AKAP8: variants seen among roughly 807,000 people sequenced by gnomAD.
AKAP8 encodes A-kinase anchor protein 8.
Under a neutral mutation model 67.5 loss-of-function variants are expected in AKAP8, and 24 were observed. The observed-to-expected ratio is 0.36, with a 90% CI of 0.26 to 0.50. The LOEUF (loss-of-function observed/expected upper bound fraction) is 0.50. AKAP8 is among the 20% of genes least tolerant of loss of function. AKAP8 has a pLI of 0.97. For synonymous variants in AKAP8, 400 were observed against 371.1 expected (o/e 1.08, Z -0.90); for missense variants, 971 against 955.9 (o/e 1.02, Z -0.21).
intron 9 of AKAP8, among the ~76,000 whole-genome samples, chr19:15,363,267 G>A (rs1377704426): frequency 1.3e-5 from 2 of 150,948 alleles, no homozygotes; most frequent in African/African-American, 2.4e-5. Context: ...CCCCGTCTGG[G>A]AGGTGAGGGG....
chr19:15,371,862 G>A, intron 7 of AKAP8, 90 bp downstream of exon 7: 1 of 1,423,824 alleles, frequency 7.0e-7, no homozygotes, highest in South Asian at 1.2e-5. Flanking sequence ...AATCTACCAT[G>A]GCAGCTGCTC....
chr19:15,369,353 C>G lies in AKAP8; in HGVS notation c.1072+793G>C. On this transcript the variant is annotated intron_variant, in intron 8 of 13. Coordinates refer to ENST00000269701, the MANE Select transcript of AKAP8 (RefSeq NM_005858.4). The surrounding 1 kb of genome is among the most constrained non-coding windows in gnomAD (Gnocchi z 4.6). Reference sequence around the variant, plus strand: ...CCGCAGAGGGCTGGCAAAGCCTGAACAGGAGGAACATCTAAGCCAAGGGCC... The same window carrying G: ...CCGCAGAGGGCTGGCAAAGCCTGAAGAGGAGGAACATCTAAGCCAAGGGCC... 1.4e-6 allele frequency: 1 copy of G among 736,042 alleles called. No individual in the cohort carries two copies. The highest frequency in any genetic ancestry group is 1.9e-5 in the African/African-American group (1 of 52,402). 45.6% of individuals were successfully genotyped at this position (736,042 alleles called of 1,614,324 possible).
chr19:15,368,252 CCG>C lies in AKAP8; in HGVS notation c.1141_1142del (p.Arg381GlyfsTer18), dbSNP rs772931869. 2.9e-5 allele frequency: 46 copies of C among 1,612,724 alleles called. No homozygotes were observed. The highest frequency in any genetic ancestry group is 3.7e-5 in the Non-Finnish European group (44 of 1,179,958). On this transcript the variant is annotated frameshift_variant, in exon 9 of 14. Coordinates refer to ENST00000269701, the MANE Select transcript of AKAP8 (RefSeq NM_005858.4). LOFTEE classifies it high-confidence loss of function. ...REKQRRRDRT[R>X]DRAADRIQFA... ...CGCCTCACCTGTCGGCTGCACGGTC[CCG>C]CGTCCTGTCTCTTCTCCTTTGCTTT...
At chr19:15,379,443 G>C (rs554122929) in intron 1 of AKAP8, 1 of 452,636 alleles carries the variant, frequency 2.2e-6, no homozygotes, top group African/African-American at 2.1e-5. Flanking sequence ...TGTCTAAGAC[G>C]CCCCCACGAA....
chr19:15,368,055 G>C (rs964431292), intron 9 of AKAP8, among the ~76,000 whole-genome samples, 180 bp downstream of exon 9: 6 of 152,240 alleles, frequency 3.9e-5, no homozygotes, highest in Admixed American at 3.9e-4. Context: ...CGTGTGCTGG[G>C]AGCACGAGTG....
At chr19:15,375,059 A>G (rs1348238655) in intron 2 of AKAP8, among the ~76,000 whole-genome samples, 1 of 152,224 alleles carries the variant, frequency 6.6e-6, no homozygotes, top group African/African-American at 2.4e-5. Context: ...AGCGAAAAAG[A>G]GGACGTTATG....
chr19:15,377,252 C>T (rs1211466073), intron 1 of AKAP8, among the ~76,000 whole-genome samples: 1 of 152,132 alleles, frequency 6.6e-6, no homozygotes, highest in Non-Finnish European at 1.5e-5. Flanking sequence ...AAGTCAGCTC[C>T]GCCCTGCAGA....
chr19:15,368,126 A>G (rs1314655741), intron 9 of AKAP8, 109 bp downstream of exon 9: 2 of 1,427,174 alleles, frequency 1.4e-6, no homozygotes, highest in Admixed American at 1.9e-5. Flanking sequence ...TGGCCAGAGG[A>G]GTCAGGCCAC....
chr19:15,355,499 G>A (rs1211054013), intron 13 of AKAP8, 129 bp from the exon 14 acceptor site: 1 of 844,932 alleles, frequency 1.2e-6, no homozygotes, highest in Non-Finnish European at 1.8e-6. Context: ...TGCCACAGGA[G>A]TGAATCCTAC....
intron 10 of AKAP8, 136 bp downstream of exon 10, chr19:15,361,974 G>A (rs1966973981): frequency 7.2e-7 from 1 of 1,394,094 alleles, no homozygotes; most frequent in Non-Finnish European, 9.7e-7. Context: ...CTGTGACTCA[G>A]GGACTTACAC....
chr19:15,368,102 G>T, intron 9 of AKAP8, 133 bp downstream of exon 9: 1 of 1,088,344 alleles, frequency 9.2e-7, no homozygotes, highest in Non-Finnish European at 1.3e-6. Flanking sequence ...TTACTGTTTT[G>T]CCTCCCACTG....
rs1285760515 is a variant in AKAP8 at position 15,354,955 on chromosome 19, T to G, written c.2039A>C (p.Gln680Pro). The G allele has an allele frequency of 1.2e-6, 2 of 1,614,078 alleles. No homozygotes were observed. The highest frequency in any genetic ancestry group is 3.3e-5 in the Admixed American group (2 of 60,004). ...APAAADAEVE[Q>P]TDAESKDAVP... ...AGCGTCTTTAGACTCTGCATCAGTT[T>G]GTTCCACTTCAGCATCCGCGGCAGC... The change falls in exon 14 of 14, where the codon CAA becomes CCA. Residue 680 changes from glutamine (Q) to proline (P), a missense_variant. By Grantham distance (76) the Gln-to-Pro change is moderately conservative. Around this residue, in one of 3 missense-constraint regions of AKAP8, gnomAD observed 204 missense variants for 193.0 expected, o/e 1.06. Transcript: ENST00000269701.
chr19:15,362,182 T>A lies in AKAP8; in HGVS notation c.1230A>T (p.Gln410His). Residue 410 changes from glutamine (Q) to histidine (H), a missense_variant, in exon 10 of 14, where the codon CAA becomes CAT. By Grantham distance (24) the Gln-to-His change is conservative. Coordinates refer to ENST00000269701, the MANE Select transcript of AKAP8 (RefSeq NM_005858.4). ...FDDEEIQKHL[Q>H]SKFHKETLRF... Reference sequence around the variant, plus strand: ...GCAGGGTCTCTTTGTGAAATTTGCTTTGCAGATGCTTCTGGATCTCTTCGT... The same window carrying A: ...GCAGGGTCTCTTTGTGAAATTTGCTATGCAGATGCTTCTGGATCTCTTCGT... 6.2e-7 allele frequency: 1 copy of A among 1,614,128 alleles called. No individual in the cohort carries two copies. Among genetic ancestry groups the A allele is most frequent in the East Asian group, 2.2e-5 (1 of 44,880 alleles).
intron 10 of AKAP8, 144 bp from the exon 11 acceptor site, chr19:15,361,966 G>A (rs1966973807): frequency 7.3e-7 from 1 of 1,374,828 alleles, no homozygotes; most frequent in Non-Finnish European, 9.9e-7. Flanking sequence ...GGTTGTCCCT[G>A]TGACTCAGGG....
intron 9 of AKAP8, among the ~76,000 whole-genome samples, chr19:15,365,726 G>A (rs985772009): frequency 2.0e-5 from 3 of 152,020 alleles, no homozygotes; most frequent in East Asian, 1.9e-4. Flanking sequence ...AAGTCCCTTC[G>A]AGATCCTCAG....
At position 15,359,067 on chromosome 19, in the gene AKAP8, A is replaced by G; in HGVS notation, c.1528-5T>C. ...CTTGAACTGTTCAGCAGCCAACTGC[A>G]AAGGGAACCAAATGTGAGCTCTTAA... is the stretch of plus-strand genomic sequence containing the variant. On this transcript the variant is annotated splice_polypyrimidine_tract_variant and splice_region_variant and intron_variant, in intron 12 of 13. Coordinates refer to ENST00000269701, the MANE Select transcript of AKAP8 (RefSeq NM_005858.4). 6.2e-7 allele frequency: 1 copy of G among 1,613,426 alleles called. No homozygotes were observed. The highest frequency in any genetic ancestry group is 8.5e-7 in the Non-Finnish European group (1 of 1,179,340).
chr19:15,362,480 G>A (rs747404261), intron 9 of AKAP8, among the ~76,000 whole-genome samples: 1 of 151,428 alleles, frequency 6.6e-6, no homozygotes, highest in East Asian at 2.0e-4. Context: ...GCCTCAGCCT[G>A]CCTACTGCCT....
chr19:15,374,510 C>T, intron 3 of AKAP8, 93 bp downstream of exon 3: 1 of 1,456,872 alleles, frequency 6.9e-7, no homozygotes, highest in Non-Finnish European at 9.4e-7. Context: ...GCCAGAAAGT[C>T]CACGCCAGAC....
Position 15,355,289 on chromosome 19 carries a change from T to G in AKAP8, c.1705A>C (p.Thr569Pro), listed in dbSNP as rs755822440. 17 of 1,613,510 alleles carry G rather than the reference T, an allele frequency of 1.1e-5. No individual in the cohort carries two copies. The Admixed American group carries it at 2.8e-4, about 27-fold the overall frequency. ...ACGTCCGCGGCCACCTCCTCAGGTG[T>G]CTCTTTCTTATCCTCACCTCCTAAA... ...DNLGGEDKKE[T>P]PEEVAADVLA... is the part of the protein sequence containing the mutation. Residue 569 changes from threonine (T) to proline (P), a missense_variant, in exon 14 of 14, where the codon ACA (threonine) becomes CCA (proline). This residue lies in a region of AKAP8 where 204 missense variants were observed against 193.0 expected (regional missense o/e 1.06). Transcript: ENST00000269701.
Sources: allele counts gnomAD v4.1 joint callset (sites outside exome capture counted in the v4.1 genomes callset), GRCh38; gene constraint gnomAD v4.1.1; regional missense constraint gnomAD v4.1.1; non-coding constraint Gnocchi (gnomAD v3.1); transcripts MANE v1.5; gene names NCBI Gene and HGNC (gene_info 2026-07-23, HGNC 2026-07-21).